DCP1B: variants seen among roughly 807,000 people sequenced by gnomAD.
DCP1B encodes the protein mRNA-decapping enzyme 1B.
In DCP1B, 47 loss-of-function variants were observed where a neutral mutation model predicts 60.5. The ratio of observed to expected loss-of-function variants is 0.78; its 90% CI spans 0.61 to 0.99. DCP1B has a LOEUF of 0.99. DCP1B is among the 50% of genes least tolerant of loss of function. DCP1B has a pLI of 0.00. For missense variants in DCP1B, 725 were observed against 756.8 expected (o/e 0.96, Z 0.49); for synonymous variants, 267 against 280.3 (o/e 0.95, Z 0.47).
At chr12:1,953,755 A>T (rs1048389898) in intron 6 of DCP1B, among the ~76,000 whole-genome samples, 2 of 152,268 alleles carry the variant, frequency 1.3e-5, no homozygotes, top group African/African-American at 4.8e-5. Flanking sequence ...CTTTAAATCT[A>T]ACTTGATCCT....
At chr12:1,977,885 A>C (rs898988743) in intron 3 of DCP1B, among the ~76,000 whole-genome samples, 3 of 152,218 alleles carry the variant, frequency 2.0e-5, no homozygotes, top group Admixed American at 6.5e-5. Flanking sequence ...AAGACAATCA[A>C]GTTTATACTT....
At chr12:1,988,276 A>T (rs1394581461) in intron 3 of DCP1B, among the ~76,000 whole-genome samples, 2 of 152,236 alleles carry the variant, frequency 1.3e-5, no homozygotes, top group Non-Finnish European at 2.9e-5. Context: ...CTCACAAAGC[A>T]GCCTCTGCCT....
chr12:1,944,878 A>G (rs915472829), downstream of DCP1B, among the ~76,000 whole-genome samples: 1 of 152,216 alleles, frequency 6.6e-6, no homozygotes, highest in Non-Finnish European at 1.5e-5. Flanking sequence ...GCATGTGCAA[A>G]GACTTCATGA....
rs192272133 is a variant in DCP1B, at chr12:1,997,598, T to C, written c.191+337A>G. On this transcript the variant is annotated intron_variant, in intron 2 of 8. Coordinates refer to ENST00000280665, the MANE Select transcript of DCP1B (RefSeq NM_152640.5). Reference sequence around the variant, plus strand: ...GAACAATCTAGTATTTCTGATAGTGTTCTTCTAGCTCCTTGCCAATGCATT... The same window carrying C: ...GAACAATCTAGTATTTCTGATAGTGCTCTTCTAGCTCCTTGCCAATGCATT... Among the ~76,000 whole-genome samples, 30 of 152,382 alleles carry C rather than the reference T, an allele frequency of 2.0e-4. No individual in the cohort carries two copies. The East Asian group carries it at 5.2e-3, about 26-fold the overall frequency.
chr12:1,967,105 C>T (rs994528615), intron 4 of DCP1B, among the ~76,000 whole-genome samples: 5 of 152,168 alleles, frequency 3.3e-5, no homozygotes. Flanking sequence ...AGTGAGCAGC[C>T]CTGGGCTCAA....
chr12:1,957,175 A>C (rs1486011715), intron 5 of DCP1B, among the ~76,000 whole-genome samples: 2 of 152,224 alleles, frequency 1.3e-5, no homozygotes, highest in Non-Finnish European at 2.9e-5. Flanking sequence ...ATATCTTTAA[A>C]ATCCTGGGGG....
chr12:1,967,962 T>C lies in DCP1B; in HGVS notation c.320-52A>G, dbSNP rs749683287. On this transcript the variant is annotated intron_variant, in intron 3 of 8. Transcript: ENST00000280665. ...TATGAGCATCTTCAAAACTACAAAA[T>C]AGAAAAAAATCTCCTTTCCATCTTA... The C allele has an allele frequency of 1.4e-5, 21 of 1,457,648 alleles. No homozygotes were observed. In the East Asian group the frequency reaches 4.1e-4, roughly 28 times the overall value. 90.3% of individuals were successfully genotyped at this position (1,457,648 alleles called of 1,614,324 possible).
chr12:1,972,017 C>A (rs1229278594), intron 3 of DCP1B, among the ~76,000 whole-genome samples: 1 of 152,182 alleles, frequency 6.6e-6, no homozygotes, highest in Non-Finnish European at 1.5e-5. Context: ...TTTAAATAGG[C>A]AGGACATCTG....
chr12:1,959,492 G>A (rs940378563), intron 5 of DCP1B, among the ~76,000 whole-genome samples: 5 of 152,150 alleles, frequency 3.3e-5, no homozygotes, highest in East Asian at 1.9e-4. Flanking sequence ...AAAAATGCTC[G>A]ACATCGCTAA....
chr12:1,997,578 A>G (rs1391613529), intron 2 of DCP1B, among the ~76,000 whole-genome samples: 1 of 152,190 alleles, frequency 6.6e-6, no homozygotes. Flanking sequence ...TAACTGAACA[A>G]TCTAGTATTT....
At chr12:1,959,291 A>G (rs1318632911) in intron 5 of DCP1B, among the ~76,000 whole-genome samples, 1 of 152,268 alleles carries the variant, frequency 6.6e-6, no homozygotes, top group Admixed American at 6.5e-5. Flanking sequence ...CAGAGTGAAG[A>G]GATGACCTAT....
downstream of DCP1B, among the ~76,000 whole-genome samples, chr12:1,944,964 C>T (rs982519406): frequency 6.6e-6 from 1 of 152,108 alleles, no homozygotes; most frequent in African/African-American, 2.4e-5. Flanking sequence ...AGTTTCTGCA[C>T]ATCAAAAGAA....
chr12:1,951,780 T>C (rs1272689036), intron 7 of DCP1B, among the ~76,000 whole-genome samples: 1 of 152,206 alleles, frequency 6.6e-6, no homozygotes, highest in Non-Finnish European at 1.5e-5. Context: ...ATGTAGTAAG[T>C]GCTCAAAAAT....
Position 1,949,182 on chromosome 12 carries a change from G to C in DCP1B, c.1677C>G (p.Ser559Arg), listed in dbSNP as rs1565759342. 11 of 1,614,188 alleles carry C rather than the reference G, an allele frequency of 6.8e-6. No individual in the cohort carries two copies. Among genetic ancestry groups the C allele is most frequent in the Non-Finnish European group, 9.3e-6 (11 of 1,180,030 alleles). Residue 559 changes from serine to arginine, a missense_variant, in exon 8 of 9, where the codon AGC becomes AGG. By Grantham distance (110) the Ser-to-Arg change is moderately radical (BLOSUM62 -1). Coordinates refer to ENST00000280665, the MANE Select transcript of DCP1B (RefSeq NM_152640.5). ...GGQEPPAAAT[S>R]LLLPIQSPEP... is the part of the protein sequence containing the mutation. Reference sequence around the variant, plus strand: ...CCGGGCTCTGTATGGGCAGGAGGAGGCTGGTGGCAGCAGCAGGTGGCTCCT... The same window carrying C: ...CCGGGCTCTGTATGGGCAGGAGGAGCCTGGTGGCAGCAGCAGGTGGCTCCT...
At chr12:1,953,610 T>A (rs2030774162) in intron 6 of DCP1B, among the ~76,000 whole-genome samples, 1 of 152,116 alleles carries the variant, frequency 6.6e-6, no homozygotes, top group Non-Finnish European at 1.5e-5. Context: ...ACTAAAAAAA[T>A]AAACAATCTG....
At chr12:1,996,750 TG>T in intron 2 of DCP1B, among the ~76,000 whole-genome samples, 1 of 150,884 alleles carries the variant, frequency 6.6e-6, no homozygotes, top group Middle Eastern at 3.6e-3. Flanking sequence ...GGCCGTGGGT[TG>T]GACAAGCTTG....
intron 5 of DCP1B, among the ~76,000 whole-genome samples, chr12:1,964,019 T>G (rs142612835): frequency 6.6e-6 from 1 of 152,122 alleles, no homozygotes; most frequent in Non-Finnish European, 1.5e-5. Flanking sequence ...TCCACAACAG[T>G]AGAAAAATTA....
downstream of DCP1B, among the ~76,000 whole-genome samples, chr12:1,944,998 C>T (rs11062030): frequency 0.027 from 4,075 of 152,204 alleles, 180 homozygotes; most frequent in African/African-American, 0.093. Flanking sequence ...GAACAGGCAA[C>T]CTACAGAATG....
chr12:2,001,091 GA>G (rs990189344), intron 1 of DCP1B, among the ~76,000 whole-genome samples: 1 of 151,418 alleles, frequency 6.6e-6, no homozygotes, highest in Non-Finnish European at 1.5e-5. Context: ...ATCTTTTGAT[GA>G]AAAAACGTCA....
Sources: allele counts gnomAD v4.1 joint callset (sites outside exome capture counted in the v4.1 genomes callset), GRCh38; gene constraint gnomAD v4.1.1; transcripts MANE v1.5; gene names NCBI Gene and HGNC (gene_info 2026-07-23, HGNC 2026-07-21).